Variants in SHANK2 observed in about 807,000 individuals in gnomAD.
SHANK2 encodes SH3 and multiple ankyrin repeat domains protein 2.
SHANK2 carries 43 observed loss-of-function variants against 133.7 expected under a neutral mutation model. That is an observed-to-expected ratio of 0.32 (90% confidence interval 0.25 to 0.41). SHANK2 has a LOEUF of 0.41. Ranked by LOEUF, SHANK2 falls within the 10% of genes least tolerant of loss-of-function variation. The probability of loss-of-function intolerance (pLI) is 1.00; values close to 1 mark genes in which losing one functional copy is unlikely to be tolerated. For missense variants in SHANK2, 1,994 were observed against 2,235.8 expected (o/e 0.89, Z 2.18); for synonymous variants, 1,017 against 952.8 (o/e 1.07, Z -1.24).
intron 2 of SHANK2, among the ~76,000 whole-genome samples, chr11:71,169,252 A>C (rs1228210836): frequency 6.6e-6 from 1 of 152,034 alleles, no homozygotes; most frequent in Admixed American, 6.6e-5. Flanking sequence ...CTCGTGTTTC[A>C]TTTTTCTTTA....
intron 2 of SHANK2, among the ~76,000 whole-genome samples, chr11:71,162,313 T>C (rs1953037595): frequency 6.6e-6 from 1 of 152,126 alleles, no homozygotes; most frequent in African/African-American, 2.4e-5. Flanking sequence ...GAGGGTGAGA[T>C]CATGCATGTA....
At chr11:70,620,748 A>C (rs559671108) in intron 17 of SHANK2, among the ~76,000 whole-genome samples, 1 of 152,300 alleles carries the variant, frequency 6.6e-6, no homozygotes, top group South Asian at 2.1e-4. Context: ...TAGTGTCCTT[A>C]TAAGAAGAAA....
At chr11:71,209,676 A>G (rs4944448) in intron 2 of SHANK2, among the ~76,000 whole-genome samples, 28,022 of 152,134 alleles carry the variant, frequency 0.18, 3,251 homozygotes, top group Non-Finnish European at 0.25. Context: ...GTTGGTGTCA[A>G]TGTGCTGGGT....
chr11:71,177,282 T>G (rs535547808), intron 2 of SHANK2, among the ~76,000 whole-genome samples: 171 of 152,304 alleles, frequency 1.1e-3, no homozygotes, highest in South Asian at 2.9e-3. Context: ...TATGCAAGTT[T>G]TTCTTATTTA....
intron 14 of SHANK2, among the ~76,000 whole-genome samples, chr11:70,778,304 C>G (rs571574962): frequency 6.6e-6 from 1 of 152,318 alleles, no homozygotes; most frequent in South Asian, 2.1e-4. Flanking sequence ...TCGGCTCACA[C>G]AACAAAATGG....
chr11:71,151,073 C>T (rs1952787825), intron 2 of SHANK2, among the ~76,000 whole-genome samples: 1 of 152,156 alleles, frequency 6.6e-6, no homozygotes, highest in Non-Finnish European at 1.5e-5. Context: ...CCAGCCCCAC[C>T]TCACTATGTC....
At chr11:70,920,398 T>TA (rs1950333606) in intron 10 of SHANK2, among the ~76,000 whole-genome samples, 2 of 152,214 alleles carry the variant, frequency 1.3e-5, no homozygotes, top group African/African-American at 4.8e-5. Context: ...CAGTCTATTT[T>TA]AAAAAATGAT....
At chr11:71,215,355 C>A (rs575913650) in intron 2 of SHANK2, among the ~76,000 whole-genome samples, 1 of 152,154 alleles carries the variant, frequency 6.6e-6, no homozygotes, top group Non-Finnish European at 1.5e-5. Flanking sequence ...TGTCTGAACA[C>A]GCCACTCTGT....
At chr11:71,069,243 C>A (rs1951110028) in intron 9 of SHANK2, among the ~76,000 whole-genome samples, 1 of 151,848 alleles carries the variant, frequency 6.6e-6, no homozygotes, top group Admixed American at 6.6e-5. Context: ...ATCACCATTA[C>A]CATGGTTACT....
chr11:70,527,633 G>C (rs2059415696), intron 17 of SHANK2, among the ~76,000 whole-genome samples: 1 of 152,226 alleles, frequency 6.6e-6, no homozygotes, highest in South Asian at 2.1e-4. Flanking sequence ...CCCCCGTGGT[G>C]GTGAAAGGAG....
chr11:70,564,088 C>T (rs1164990485), intron 17 of SHANK2, among the ~76,000 whole-genome samples: 1 of 151,956 alleles, frequency 6.6e-6, no homozygotes, highest in Non-Finnish European at 1.5e-5. Flanking sequence ...TTGTCCTTAT[C>T]TCTAATTTGG....
At chr11:71,236,924 C>A (rs1197789865) in intron 1 of SHANK2, among the ~76,000 whole-genome samples, 1 of 152,222 alleles carries the variant, frequency 6.6e-6, no homozygotes, top group Admixed American at 6.5e-5. Flanking sequence ...GCCCAGAGGG[C>A]AACACTGCAG....
intron 2 of SHANK2, among the ~76,000 whole-genome samples, chr11:71,155,111 CGGA>C (rs1178963636): frequency 2.5e-5 from 3 of 121,188 alleles, no homozygotes; most frequent in Non-Finnish European, 1.7e-5. Context: ...CCCACGCTCC[CGGA>C]GGAGGGGTGG....
At position 70,555,730 on chromosome 11, in the gene SHANK2, GAAC is replaced by G. The variant is rs1413018272; in HGVS notation, c.2062-52802_2062-52800del. Among the ~76,000 whole-genome samples the G allele has an allele frequency of 7.2e-5, 11 of 152,150 alleles. No individual in the cohort carries two copies. The East Asian group carries it at 9.6e-4, about 13-fold the overall frequency. On this transcript the variant is annotated intron_variant, in intron 17 of 25. Transcript: ENST00000601538. ...GAAAGAGTGAGACCCTGTTTCAAAA[GAAC>G]AACAACAACAAAAAAGCGCTACTCC...
At chr11:70,534,984 A>G (rs949773098) in intron 17 of SHANK2, among the ~76,000 whole-genome samples, 23 of 152,106 alleles carry the variant, frequency 1.5e-4, no homozygotes, top group African/African-American at 5.6e-4. Flanking sequence ...GGAAACACTG[A>G]CAAAGGAGCC....
In SHANK2 at chr11:70,599,869, AAGAAAG is replaced by A. The variant is rs1565165954; in HGVS notation, c.2061+59953_2061+59958del. On this transcript the variant is annotated intron_variant, in intron 17 of 25. Coordinates refer to ENST00000601538, the MANE Select transcript of SHANK2 (RefSeq NM_012309.5). Reference sequence around the variant, plus strand: ...AGAACGAAAGAAAGAAATAAAAAGAAAGAAAGAAAGAAAGAAAGAAAAAGAAAGAAA... The same window carrying A: ...AGAACGAAAGAAAGAAATAAAAAGAAAAAGAAAGAAAGAAAAAGAAAGAAA... Among the ~76,000 whole-genome samples the A allele has an allele frequency of 1.3e-4, 13 of 99,472 alleles. No homozygotes were observed. In the East Asian group the frequency reaches 7.9e-3, roughly 60 times the overall value. The allele number at this position is 99,472 out of a possible 152,430, so 65.3% of individuals were successfully genotyped here. A position where few individuals can be genotyped will look rare whatever the true frequency, so the allele number is the denominator to read the frequency against.
intron 14 of SHANK2, among the ~76,000 whole-genome samples, chr11:70,740,860 G>A (rs537082227): frequency 2.0e-5 from 3 of 152,132 alleles, no homozygotes; most frequent in Non-Finnish European, 2.9e-5. Flanking sequence ...GATGGGAAAG[G>A]GCAGAATCCC....
At chr11:70,621,952 A>G (rs1355909042) in intron 17 of SHANK2, among the ~76,000 whole-genome samples, 3 of 152,008 alleles carry the variant, frequency 2.0e-5, no homozygotes, top group African/African-American at 7.2e-5. Context: ...GTGAGGGCCA[A>G]CTTCTGAGCT....
chr11:70,732,052 G>A (rs1340773029), intron 14 of SHANK2, among the ~76,000 whole-genome samples: 8 of 152,112 alleles, frequency 5.3e-5, no homozygotes, highest in African/African-American at 1.9e-4. Flanking sequence ...CACCCCCAGG[G>A]TGACCTGCTC....
Sources: gnomAD v4.1 joint callset for allele counts (sites outside exome capture counted in the v4.1 genomes callset) on GRCh38, gnomAD v4.1.1 for gene constraint, MANE v1.5 for transcripts, NCBI Gene and HGNC (gene_info 2026-07-23, HGNC 2026-07-21) for gene names.